Variants in PPIL6 observed in about 807,000 individuals in gnomAD.
The protein encoded by PPIL6 is peptidylprolyl isomerase like 6.
In PPIL6, 39 loss-of-function variants were observed where a neutral mutation model predicts 36.8. That is an observed-to-expected ratio of 1.06 (90% confidence interval 0.82 to 1.38). The LOEUF is 1.38. PPIL6 is among the 40% of genes most tolerant of loss of function. PPIL6 has a pLI of 0.00. For missense variants in PPIL6, 368 were observed against 379.1 expected (o/e 0.97, Z 0.24); for synonymous variants, 123 against 134.1 (o/e 0.92, Z 0.57).
At chr6:109,411,150 G>A (rs1194952072) in intron 6 of PPIL6, among the ~76,000 whole-genome samples, 1 of 152,164 alleles carries the variant, frequency 6.6e-6, no homozygotes, top group Non-Finnish European at 1.5e-5. Flanking sequence ...CCCTCCAGGA[G>A]TCACTGTCTA....
chr6:109,412,711 C>T (rs1343415734), intron 6 of PPIL6, among the ~76,000 whole-genome samples: 2 of 152,148 alleles, frequency 1.3e-5, no homozygotes, highest in Non-Finnish European at 2.9e-5. Flanking sequence ...AGACCCCTAC[C>T]TCTCACCATA....
intron 2 of PPIL6, among the ~76,000 whole-genome samples, chr6:109,432,263 A>G (rs934384450): frequency 6.6e-6 from 1 of 152,188 alleles, no homozygotes; most frequent in Non-Finnish European, 1.5e-5. Context: ...GAGGGTCAAC[A>G]GGGATTTCTG....
intron 6 of PPIL6, among the ~76,000 whole-genome samples, chr6:109,415,174 G>A (rs953457279): frequency 4.6e-5 from 7 of 152,104 alleles, no homozygotes; most frequent in African/African-American, 7.2e-5. Flanking sequence ...TTAACTTTAC[G>A]GAAATACATT....
intron 5 of PPIL6, among the ~76,000 whole-genome samples, chr6:109,421,223 C>T (rs560804491): frequency 6.6e-6 from 1 of 152,338 alleles, no homozygotes; most frequent in Admixed American, 6.5e-5. Flanking sequence ...CCATTTCAAT[C>T]CGTATTTACT....
intron 6 of PPIL6, among the ~76,000 whole-genome samples, chr6:109,414,630 G>A (rs1001341744): frequency 1.3e-5 from 2 of 151,800 alleles, no homozygotes; most frequent in African/African-American, 2.4e-5. Context: ...GATTACAGGT[G>A]TGTGCCACTA....
intron 6 of PPIL6, among the ~76,000 whole-genome samples, chr6:109,409,645 C>G (rs4428538): frequency 6.6e-6 from 1 of 151,628 alleles, no homozygotes; most frequent in Non-Finnish European, 1.5e-5. Context: ...CTACAGACTC[C>G]ACACAAAAGT....
chr6:109,410,480 C>T (rs1265126242), intron 6 of PPIL6, among the ~76,000 whole-genome samples: 1 of 152,066 alleles, frequency 6.6e-6, no homozygotes, highest in Non-Finnish European at 1.5e-5. Flanking sequence ...TTCTGGCTTA[C>T]CTAAGAAACC....
chr6:109,418,898 C>T (rs17534632), intron 6 of PPIL6, among the ~76,000 whole-genome samples: 21,522 of 152,128 alleles, frequency 0.14, 2,015 homozygotes, highest in Middle Eastern at 0.22. Context: ...AGTATCAGCA[C>T]GGGAAATTAC....
At chr6:109,401,756 GC>G (rs1772551864) in intron 6 of PPIL6, among the ~76,000 whole-genome samples, 1 of 149,084 alleles carries the variant, frequency 6.7e-6, no homozygotes, top group African/African-American at 2.5e-5. Context: ...ATGGAGTCTC[GC>G]TCTGTTGCCC....
At chr6:109,400,731 A>C (rs1772493563) in intron 6 of PPIL6, among the ~76,000 whole-genome samples, 1 of 152,168 alleles carries the variant, frequency 6.6e-6, no homozygotes, top group African/African-American at 2.4e-5. Context: ...TCAGCACATT[A>C]ATTGGCATAA....
intron 2 of PPIL6, 131 bp downstream of exon 2, chr6:109,435,973 G>A (rs2115293630): frequency 1.4e-6 from 1 of 719,380 alleles, no homozygotes; most frequent in African/African-American, 1.8e-5. Context: ...TTTAGGAAAA[G>A]TACGTAATGT....
At chr6:109,438,552 G>A (rs1262199005) in intron 1 of PPIL6, among the ~76,000 whole-genome samples, 1 of 151,932 alleles carries the variant, frequency 6.6e-6, no homozygotes, top group African/African-American at 2.4e-5. Flanking sequence ...TCTACATCAG[G>A]GGTTGGAGAG....
chr6:109,390,253 G>A lies in PPIL6; in HGVS notation c.*2573C>T, dbSNP rs924858180. On this transcript the variant is annotated 3_prime_UTR_variant, in exon 8 of 8. Transcript: ENST00000521072. Reference sequence around the variant, plus strand: ...TTAGTAATTTATTATTAAATTTATCGAGTGCTTACAGCAGACCAGGTCTCT... The same window carrying A: ...TTAGTAATTTATTATTAAATTTATCAAGTGCTTACAGCAGACCAGGTCTCT... The A allele has an allele frequency of 1.2e-4, 18 of 152,308 alleles. No homozygotes were observed. Among genetic ancestry groups the A allele is most frequent in the East Asian group, 5.8e-4 (3 of 5,188 alleles). The allele number at this position is 152,308 out of a possible 1,614,324, so 9.4% of individuals were successfully genotyped here.
intron 6 of PPIL6, among the ~76,000 whole-genome samples, chr6:109,409,645 C>T (rs4428538): frequency 0.2 from 29,868 of 151,662 alleles, 3,548 homozygotes; most frequent in Middle Eastern, 0.28. Flanking sequence ...CTACAGACTC[C>T]ACACAAAAGT....
intron 2 of PPIL6, among the ~76,000 whole-genome samples, chr6:109,435,754 A>G (rs997981741): frequency 6.6e-6 from 1 of 152,100 alleles, no homozygotes; most frequent in Non-Finnish European, 1.5e-5. Context: ...GTGAAACCCC[A>G]TCTGTTAAAA....
At chr6:109,440,878 C>T (rs1562280016), upstream of PPIL6, 1 of 543,348 alleles carries the variant, frequency 1.8e-6, no homozygotes. Flanking sequence ...GCCTGGGCGC[C>T]CGGATTTCGG....
intron 6 of PPIL6, among the ~76,000 whole-genome samples, chr6:109,401,421 G>T (rs1391985799): frequency 1.3e-5 from 2 of 152,132 alleles, no homozygotes; most frequent in East Asian, 3.8e-4. Context: ...GAATAACTGA[G>T]AAATATGAAT....
intron 2 of PPIL6, among the ~76,000 whole-genome samples, chr6:109,432,391 A>G (rs1266059630): frequency 1.3e-5 from 2 of 152,146 alleles, no homozygotes; most frequent in Non-Finnish European, 2.9e-5. Context: ...TAAACCTTCT[A>G]AATCTCCGGT....
chr6:109,436,275 G>C, intron 1 of PPIL6, 76 bp from the exon 2 acceptor site: 1 of 876,034 alleles, frequency 1.1e-6, no homozygotes. Context: ...CAATTTTTAC[G>C]GGGTTTCCAG....
Sources: allele counts gnomAD v4.1 joint callset (sites outside exome capture counted in the v4.1 genomes callset), GRCh38; gene constraint gnomAD v4.1.1; transcripts MANE v1.5; gene names NCBI Gene and HGNC (gene_info 2026-07-23, HGNC 2026-07-21).